DAG1: variants seen among roughly 807,000 people sequenced by gnomAD.
DAG1 encodes the protein dystroglycan 1 (dystrophin-associated glycoprotein 1).
A neutral mutation model predicts 46.1 loss-of-function variants in DAG1; 8 were observed. The ratio of observed to expected loss-of-function variants is 0.17; its 90% confidence interval spans 0.10 to 0.31. The LOEUF is 0.31. Ranked by LOEUF, DAG1 falls within the 10% of genes least tolerant of loss-of-function variation. The pLI is 1.00. For synonymous variants in DAG1, 495 were observed against 481.8 expected (o/e 1.03, Z -0.36); for missense variants, 1,003 against 1,189.9 (o/e 0.84, Z 2.31).
chr3:49,500,958 A>T (rs2050433828), intron 1 of DAG1, among the ~76,000 whole-genome samples: 1 of 152,218 alleles, frequency 6.6e-6, no homozygotes, highest in South Asian at 2.1e-4. Flanking sequence ...AAGTATATGG[A>T]TGCAGCCTAT....
chr3:49,511,938 T>G lies in DAG1; in HGVS notation c.285+1119T>G, dbSNP rs984714827. On this transcript the variant is annotated intron_variant, in intron 2 of 2. Coordinates refer to ENST00000308775, the MANE Select transcript of DAG1 (RefSeq NM_004393.6). ...ATCAATGGGCAATAAAACTTTACGG[T>G]GGATACTTTTTCTTTTTTAATTTTT... is the stretch of plus-strand genomic sequence containing the variant. Among the ~76,000 whole-genome samples the G allele has an allele frequency of 6.6e-5, 10 of 152,354 alleles. No individual in the cohort carries two copies. In the South Asian group the frequency reaches 2.1e-3, roughly 32 times the overall value.
chr3:49,477,029 G>C (rs918557289), intron 1 of DAG1: 1 of 152,058 alleles, frequency 6.6e-6, no homozygotes, highest in Non-Finnish European at 1.5e-5. Flanking sequence ...ACAAAGTCTT[G>C]CTCTGTCACC....
At position 49,532,304 on chromosome 3, in the gene DAG1, G is replaced by C. The variant is rs201268364; in HGVS notation, c.1793G>C (p.Arg598Pro). The change falls in exon 3 of 3, where the codon CGC becomes CCC. Residue 598 changes from arginine (R) to proline (P), a missense_variant. Transcript: ENST00000308775. The surrounding 1 kb of genome is among the most constrained non-coding windows in gnomAD (Gnocchi z 5.4). ...GCCTTCGAGATCCACGTCCACAGGC[G>C]CCCCCAAGGGGATAGGGCTCCTGCA... ...VDAFEIHVHR[R>P]PQGDRAPARF... The C allele has an allele frequency of 3.1e-6, 5 of 1,614,122 alleles. No homozygotes were observed. Among genetic ancestry groups the C allele is most frequent in the Non-Finnish European group, 4.2e-6 (5 of 1,180,026 alleles).
chr3:49,477,287 G>A (rs2049707663), intron 1 of DAG1, among the ~76,000 whole-genome samples: 1 of 151,602 alleles, frequency 6.6e-6, no homozygotes, highest in African/African-American at 2.4e-5. Flanking sequence ...GTGAGCCACC[G>A]CTGCCCAGCT....
chr3:49,479,555 G>A (rs559377246), intron 1 of DAG1, among the ~76,000 whole-genome samples: 5 of 149,548 alleles, frequency 3.3e-5, no homozygotes, highest in African/African-American at 2.5e-5. Flanking sequence ...GATCCCGTCC[G>A]TCTTGATCTC....
At position 49,530,854 on chromosome 3, in the gene DAG1, C is replaced by T; in HGVS notation, c.343C>T (p.His115Tyr). 6.2e-7 allele frequency: 1 copy of T among 1,614,180 alleles called. No homozygotes were observed. Among genetic ancestry groups the T allele is most frequent in the Non-Finnish European group, 8.5e-7 (1 of 1,180,020 alleles). The change falls in exon 3 of 3, where the codon CAC (histidine) becomes TAC (tyrosine). Residue 115 changes from histidine to tyrosine, a missense_variant. Around this residue, in one of 3 missense-constraint regions of DAG1, gnomAD observed 196 missense variants for 239.1 expected, o/e 0.82. Transcript: ENST00000308775. ...PSWLHWDSQS[H>Y]TLEGLPLDTD... ...TTGGCTGCACTGGGACTCACAGAGCCACACCCTGGAGGGCCTCCCCCTTGA... is the reference window on the plus strand; with the variant it reads ...TTGGCTGCACTGGGACTCACAGAGCTACACCCTGGAGGGCCTCCCCCTTGA...
intron 1 of DAG1, among the ~76,000 whole-genome samples, chr3:49,480,458 T>A (rs2049845374): frequency 6.6e-6 from 1 of 150,774 alleles, no homozygotes; most frequent in Non-Finnish European, 1.5e-5. Flanking sequence ...TGTATTTTTT[T>A]AGTAGAGACG....
rs1478894228 is a variant in DAG1, at chr3:49,533,088, T to TGCGCCTCCCTACCAGCCCCCACC, written c.2580_2602dup (p.Pro868ArgfsTer24). 6.2e-7 allele frequency: 1 copy of TGCGCCTCCCTACCAGCCCCCACC among 1,613,960 alleles called. No homozygotes were observed. Among genetic ancestry groups the TGCGCCTCCCTACCAGCCCCCACC allele is most frequent in the Non-Finnish European group, 8.5e-7 (1 of 1,180,002 alleles). On this transcript the variant is annotated frameshift_variant, in exon 3 of 3. Coordinates refer to ENST00000308775, the MANE Select transcript of DAG1 (RefSeq NM_004393.6). LOFTEE classifies it high-confidence loss of function. Reference sequence around the variant, plus strand: ...CGCCCCTGCGGGATGAGGATCCCAATGCGCCTCCCTACCAGCCCCCACCGC... The same window carrying TGCGCCTCCCTACCAGCCCCCACC: ...CGCCCCTGCGGGATGAGGATCCCAATGCGCCTCCCTACCAGCCCCCACCGCGCCTCCCTACCAGCCCCCACCGC...
At chr3:49,500,810 C>T (rs553989635) in intron 1 of DAG1, among the ~76,000 whole-genome samples, 6 of 152,284 alleles carry the variant, frequency 3.9e-5, no homozygotes, top group African/African-American at 9.6e-5. Context: ...TATGTGACCA[C>T]GACTGAGTAT....
chr3:49,498,274 A>C (rs2050364575), intron 1 of DAG1, among the ~76,000 whole-genome samples: 1 of 152,128 alleles, frequency 6.6e-6, no homozygotes, highest in African/African-American at 2.4e-5. Context: ...CTGTCCCCTG[A>C]ACTGAGCACT....
chr3:49,531,439 G>T lies in DAG1; in HGVS notation c.928G>T (p.Val310Phe), dbSNP rs755258174. 2 of 1,613,736 alleles carry T rather than the reference G, an allele frequency of 1.2e-6. No individual in the cohort carries two copies. The highest frequency in any genetic ancestry group is 1.1e-5 in the South Asian group (1 of 91,060). Reference sequence around the variant, plus strand: ...TAAGAAGCCCCCTCTTCCCAAACGCGTCCGGAGGCAGATCCATGCTACACC... The same window carrying T: ...TAAGAAGCCCCCTCTTCCCAAACGCTTCCGGAGGCAGATCCATGCTACACC... ...ANKKPPLPKR[V>F]RRQIHATPTP... Residue 310 changes from valine to phenylalanine, a missense_variant, in exon 3 of 3, where the codon GTC becomes TTC. Val to Phe is a conservative substitution (Grantham distance 50). Transcript: ENST00000308775. The surrounding 1 kb of genome is among the most constrained non-coding windows in gnomAD (Gnocchi z 7.0).
chr3:49,529,041 G>C (rs1341002260), intron 2 of DAG1, among the ~76,000 whole-genome samples: 1 of 151,968 alleles, frequency 6.6e-6, no homozygotes, highest in Non-Finnish European at 1.5e-5. Flanking sequence ...AGTAGAGATG[G>C]GGTTTCGCCG....
chr3:49,514,256 A>G (rs1020211535), intron 2 of DAG1, among the ~76,000 whole-genome samples: 2 of 152,168 alleles, frequency 1.3e-5, no homozygotes, highest in Admixed American at 1.3e-4. Flanking sequence ...CAGGATTTAG[A>G]AAGTCTTTAT....
Position 49,533,681 on chromosome 3 carries a change from G to C in DAG1, c.*482G>C. The C allele has an allele frequency of 3.3e-6, 1 of 298,888 alleles. No individual in the cohort carries two copies. Among genetic ancestry groups the C allele is most frequent in the Non-Finnish European group, 6.5e-6 (1 of 153,382 alleles). The allele number at this position is 298,888 out of a possible 1,614,324, so 18.5% of individuals were successfully genotyped here. A position where few individuals can be genotyped will look rare whatever the true frequency, so the allele number is the denominator to read the frequency against. On this transcript the variant is annotated 3_prime_UTR_variant, in exon 3 of 3. Transcript: ENST00000308775. Reference sequence around the variant, plus strand: ...ATTCAAAGGACTTTCAGAAGTTAAGGTTAAGTTTTTACGTTTAATCTGCTG... The same window carrying C: ...ATTCAAAGGACTTTCAGAAGTTAAGCTTAAGTTTTTACGTTTAATCTGCTG...
intron 1 of DAG1, among the ~76,000 whole-genome samples, chr3:49,479,876 G>A (rs1379108349): frequency 6.8e-6 from 1 of 148,066 alleles, no homozygotes; most frequent in African/African-American, 2.5e-5. Flanking sequence ...TCCTGACCTC[G>A]TGATCCACCT....
intron 2 of DAG1, among the ~76,000 whole-genome samples, chr3:49,526,338 G>T (rs2051170994): frequency 6.6e-6 from 1 of 152,198 alleles, no homozygotes; most frequent in Non-Finnish European, 1.5e-5. Flanking sequence ...AACCATATAA[G>T]CTCTGTTTTT....
intron 2 of DAG1, among the ~76,000 whole-genome samples, chr3:49,527,391 G>A (rs1233877824): frequency 6.6e-6 from 1 of 152,200 alleles, no homozygotes; most frequent in Admixed American, 6.5e-5. Context: ...GGGCACGGTG[G>A]CGGGCGCCTG....
chr3:49,521,856 GTT>G (rs1332129354), intron 2 of DAG1, among the ~76,000 whole-genome samples: 1 of 142,690 alleles, frequency 7.0e-6, no homozygotes, highest in Admixed American at 7.0e-5. Flanking sequence ...TTAGACCTTT[GTT>G]TTTTTTTTTG....
rs542485357 is a variant in DAG1, at chr3:49,528,393, T to A, written c.286-2404T>A. On this transcript the variant is annotated intron_variant, in intron 2 of 2. Coordinates refer to ENST00000308775, the MANE Select transcript of DAG1 (RefSeq NM_004393.6). Reference sequence around the variant, plus strand: ...TCTGTCTCCTGGGTTCAAGCCATTCTTGTGCATCAGCCTCCCGACTAGCTG... The same window carrying A: ...TCTGTCTCCTGGGTTCAAGCCATTCATGTGCATCAGCCTCCCGACTAGCTG... Among the ~76,000 whole-genome samples, 16 of 148,220 alleles carry A rather than the reference T, an allele frequency of 1.1e-4. No homozygotes were observed. In the South Asian group the frequency reaches 3.5e-3, roughly 32 times the overall value.
Sources: gnomAD v4.1 joint callset for allele counts (sites outside exome capture counted in the v4.1 genomes callset) on GRCh38, gnomAD v4.1.1 for gene constraint, gnomAD v4.1.1 regional missense constraint, Gnocchi (gnomAD v3.1) non-coding constraint, MANE v1.5 for transcripts, NCBI Gene and HGNC (gene_info 2026-07-23, HGNC 2026-07-21) for gene names.